The following VIPR2 variants were observed in gnomAD, a reference collection of about 807,000 sequenced individuals.
VIPR2 encodes vasoactive intestinal polypeptide receptor 2.
In VIPR2, 48 loss-of-function variants were observed where a neutral mutation model predicts 58.0. The observed-to-expected ratio is 0.83, with a 90% CI of 0.66 to 1.05. The LOEUF is 1.05. Among genes scored for constraint, VIPR2 ranks in the 50% least tolerant of loss-of-function variants. The probability of loss-of-function intolerance (pLI) is 0.00; values close to 1 mark genes in which losing one functional copy is unlikely to be tolerated. For missense variants in VIPR2, 534 were observed against 558.0 expected (o/e 0.96, Z 0.43); for synonymous variants, 243 against 235.2 (o/e 1.03, Z -0.30).
At position 159,086,357 on chromosome 7, in the gene VIPR2, G is replaced by C. The variant is rs1040010170; in HGVS notation, c.357+17400C>G. On this transcript the variant is annotated intron_variant, in intron 4 of 12. Transcript: ENST00000262178. ...AAATCAGACCGTGCTGAGCTGGGTT[G>C]TGGGGAGGTGCCCTGTTCTGACCCA... 2.6e-5 allele frequency among the ~76,000 whole-genome samples: 4 copies of C among 152,224 alleles called. No individual in the cohort carries two copies. In the East Asian group the frequency reaches 7.7e-4, roughly 29 times the overall value.
Position 159,030,476 on chromosome 7 carries a change from C to G in VIPR2, c.*140G>C, listed in dbSNP as rs1853473433. On this transcript the variant is annotated 3_prime_UTR_variant, in exon 13 of 13. Coordinates refer to ENST00000262178, the MANE Select transcript of VIPR2 (RefSeq NM_003382.5). ...AATTCCAGGTATGGGGTTTAGTGGA[C>G]AACCAGCTTGACGGAGTCAGGACCG... is the stretch of plus-strand genomic sequence containing the variant. 9.6e-7 allele frequency: 1 copy of G among 1,046,446 alleles called. No individual in the cohort carries two copies. The highest frequency in any genetic ancestry group is 1.7e-5 in the African/African-American group (1 of 60,020). 64.8% of individuals were successfully genotyped at this position (1,046,446 alleles called of 1,614,324 possible).
intron 4 of VIPR2, among the ~76,000 whole-genome samples, chr7:159,064,957 C>T (rs1855999303): frequency 6.6e-6 from 1 of 152,228 alleles, no homozygotes. Flanking sequence ...ATCGCCACCT[C>T]TACCGAGAAC....
At chr7:159,143,126 C>T (rs1479533303) in intron 1 of VIPR2, among the ~76,000 whole-genome samples, 1 of 152,144 alleles carries the variant, frequency 6.6e-6, no homozygotes, top group African/African-American at 2.4e-5. Context: ...CCATTGTGGC[C>T]CCACAGAGAA....
intron 4 of VIPR2, among the ~76,000 whole-genome samples, chr7:159,063,730 C>T (rs1307930286): frequency 7.0e-4 from 47 of 66,910 alleles, no homozygotes; most frequent in South Asian, 1.8e-3. Flanking sequence ...CCTGGCGGGT[C>T]GGAGGGCCTG....
intron 10 of VIPR2, among the ~76,000 whole-genome samples, chr7:159,032,876 C>A (rs1853679077): frequency 6.6e-6 from 1 of 152,014 alleles, no homozygotes; most frequent in Non-Finnish European, 1.5e-5. Context: ...GAAAGGCAAC[C>A]AAGAACGATC....
At chr7:159,130,597 C>T (rs1006220579) in intron 2 of VIPR2, among the ~76,000 whole-genome samples, 1 of 152,042 alleles carries the variant, frequency 6.6e-6, no homozygotes, top group African/African-American at 2.4e-5. Flanking sequence ...CAGCAGCAAG[C>T]ACTACTGCCT....
chr7:159,055,310 G>A lies in VIPR2; in HGVS notation c.455+3171C>T, dbSNP rs1398971876. On this transcript the variant is annotated intron_variant, in intron 5 of 12. Transcript: ENST00000262178. ...TAACACTGCTTTTCAGGAGAGAGGT[G>A]GGGTAGACACCGGGTGGCTGCAGGG... Among the ~76,000 whole-genome samples, 24 of 152,186 alleles carry A rather than the reference G, an allele frequency of 1.6e-4. 1 individual carries two copies. Among genetic ancestry groups the A allele is most frequent in the Admixed American group, 1.6e-3 (24 of 15,282 alleles).
At position 159,127,955 on chromosome 7, in the gene VIPR2, G is replaced by C. The variant is rs73169270; in HGVS notation, c.151+14491C>G. On this transcript the variant is annotated intron_variant, in intron 2 of 12. Transcript: ENST00000262178. The surrounding 1 kb of genome is among the most constrained non-coding windows in gnomAD (Gnocchi z 4.6). ...GCTATTCCAAGGACAATCTTCCATAGATTTATGATTGGGACTTGTGTCTCT... is the reference window on the plus strand; with the variant it reads ...GCTATTCCAAGGACAATCTTCCATACATTTATGATTGGGACTTGTGTCTCT... Among the ~76,000 whole-genome samples, 2,738 of 152,288 alleles carry C rather than the reference G, an allele frequency of 0.018. 41 individuals are homozygous for C. Among genetic ancestry groups the C allele is most frequent in the Middle Eastern group, 0.044 (13 of 294 alleles).
chr7:159,047,721 T>G (rs1431668686), intron 5 of VIPR2, among the ~76,000 whole-genome samples: 1 of 152,230 alleles, frequency 6.6e-6, no homozygotes, highest in Admixed American at 6.5e-5. Context: ...TATGTGCAAA[T>G]GCTTTGAATC....
At chr7:159,110,016 C>A in intron 2 of VIPR2, 97 bp from the exon 3 acceptor site, 1 of 1,108,622 alleles carries the variant, frequency 9.0e-7, no homozygotes, top group Non-Finnish European at 1.3e-6. Context: ...AAACTCCTTT[C>A]CTGTGAAACA....
chr7:159,047,112 G>A (rs961633930), intron 5 of VIPR2, among the ~76,000 whole-genome samples: 17 of 152,148 alleles, frequency 1.1e-4, no homozygotes, highest in Admixed American at 3.3e-4. Context: ...GTGGGTGCCT[G>A]TAATCCCAGC....
intron 4 of VIPR2, among the ~76,000 whole-genome samples, chr7:159,081,629 A>C (rs2129494911): frequency 6.6e-6 from 1 of 152,280 alleles, no homozygotes; most frequent in East Asian, 1.9e-4. Context: ...GGATCTAATT[A>C]AACTAAAGAG....
rs985764625 is a variant in VIPR2, at chr7:159,117,690, CAG to C, written c.152-7773_152-7772del. Among the ~76,000 whole-genome samples, 190 of 152,340 alleles carry C rather than the reference CAG, an allele frequency of 1.2e-3. 3 individuals are homozygous for C. Among genetic ancestry groups the C allele is most frequent in the African/African-American group, 4.3e-3 (177 of 41,570 alleles). On this transcript the variant is annotated intron_variant, in intron 2 of 12. Transcript: ENST00000262178. The stretch of plus-strand genomic sequence containing the variant: ...TGCCCCTACCCCACATGCAACTCCA[CAG>C]AGAGTGGCAGCTGAGGGTGGGTGGC...
chr7:159,132,793 C>CAGAATGATTGGCATACCGAT lies in VIPR2; in HGVS notation c.151+9652_151+9653insATCGGTATGCCAATCATTCT, dbSNP rs1563355044. Among the ~76,000 whole-genome samples the CAGAATGATTGGCATACCGAT allele has an allele frequency of 2.0e-3, 63 of 31,900 alleles. 4 individuals are homozygous for CAGAATGATTGGCATACCGAT. Among genetic ancestry groups the CAGAATGATTGGCATACCGAT allele is most frequent in the East Asian group, 0.013 (11 of 846 alleles). 20.9% of individuals were successfully genotyped at this position (31,900 alleles called of 152,430 possible). On this transcript the variant is annotated intron_variant, in intron 2 of 12. Coordinates refer to ENST00000262178, the MANE Select transcript of VIPR2 (RefSeq NM_003382.5). The stretch of plus-strand genomic sequence containing the variant: ...TCAGACAGAATGATTGGCATACAGA[C>CAGAATGATTGGCATACCGAT]TGATTTCAGACAGAATGATTGGCAT...
chr7:159,056,807 T>A (rs1855351502), intron 5 of VIPR2, among the ~76,000 whole-genome samples: 1 of 152,212 alleles, frequency 6.6e-6, no homozygotes, highest in Non-Finnish European at 1.5e-5. Flanking sequence ...TGACAGACTC[T>A]CACAGCTCTC....
rs1795925820 is a variant in VIPR2 at position 159,109,929 on chromosome 7, G to C, written c.152-10C>G. 1.2e-6 allele frequency: 2 copies of C among 1,612,534 alleles called. No individual in the cohort carries two copies. The highest frequency in any genetic ancestry group is 1.7e-6 in the Non-Finnish European group (2 of 1,179,926). The stretch of plus-strand genomic sequence containing the variant: ...CAGACGCCACTGCAGGCTGGAAGGA[G>C]AGAAGCAGAGTGAGGCAGGTGCAAG... On this transcript the variant is annotated splice_polypyrimidine_tract_variant and intron_variant, in intron 2 of 12. Transcript: ENST00000262178.
chr7:159,062,439 T>G (rs1448581051), intron 4 of VIPR2, among the ~76,000 whole-genome samples: 1 of 152,206 alleles, frequency 6.6e-6, no homozygotes, highest in Non-Finnish European at 1.5e-5. Context: ...GTTTGTTCCT[T>G]CTGCTGGATT....
intron 2 of VIPR2, among the ~76,000 whole-genome samples, chr7:159,136,816 A>G (rs1167874867): frequency 6.6e-6 from 1 of 152,192 alleles, no homozygotes; most frequent in African/African-American, 2.4e-5. Flanking sequence ...TGAGGCCAGC[A>G]GGAATTGTTA....
rs768552522 is a variant in VIPR2, at chr7:159,031,912, G to T, written c.1101+26C>A. On this transcript the variant is annotated intron_variant, in intron 11 of 12. Transcript: ENST00000262178. The surrounding 1 kb of genome is among the most constrained non-coding windows in gnomAD (Gnocchi z 4.0). ...GGTCAGGCAGGACCCGCGCTCGGGG[G>T]AGGGCGGCCGCCTCCGCACACCTAC... 6.2e-7 allele frequency: 1 copy of T among 1,614,136 alleles called. No individual in the cohort carries two copies. The highest frequency in any genetic ancestry group is 1.1e-5 in the South Asian group (1 of 91,076).
Sources: gnomAD v4.1 joint callset for allele counts (sites outside exome capture counted in the v4.1 genomes callset) on GRCh38, gnomAD v4.1.1 for gene constraint, Gnocchi (gnomAD v3.1) non-coding constraint, MANE v1.5 for transcripts, NCBI Gene and HGNC (gene_info 2026-07-23, HGNC 2026-07-21) for gene names.